Variants in PTPRG observed in about 807,000 individuals in gnomAD.
PTPRG encodes the protein receptor-type tyrosine-protein phosphatase gamma.
A neutral mutation model predicts 165.3 loss-of-function variants in PTPRG; 102 were observed. The observed-to-expected ratio is 0.62, with a 90% CI of 0.53 to 0.73. PTPRG has a LOEUF of 0.73. PTPRG is among the 30% of genes least tolerant of loss of function. PTPRG has a pLI of 0.00. For missense variants in PTPRG, 1,866 were observed against 1,861.4 expected, an observed-to-expected ratio of 1.00 and a Z score of -0.05; for synonymous variants, 675 against 669.5, an observed-to-expected ratio of 1.01 and a Z score of -0.13.
rs764590925 is a variant in PTPRG at position 62,191,625 on chromosome 3, C to T, written c.1190C>T (p.Thr397Met). The change falls in exon 9 of 30, where the codon ACG becomes ATG. Residue 397 changes from threonine (T) to methionine (M), a missense_variant. Around this residue, in one of 3 missense-constraint regions of PTPRG, gnomAD observed 1,452 missense variants for 1,463.0 expected, o/e 0.99. Transcript: ENST00000474889. ...AAGAATGAGGACGAGAAGGAGAAGA[C>T]GTTTACAAAGGACAGCGACAAAGAC... ...WTKNEDEKEK[T>M]FTKDSDKDLK... is the part of the protein sequence containing the mutation. 9 of 1,614,020 alleles carry T rather than the reference C, an allele frequency of 5.6e-6. No homozygotes were observed. Among genetic ancestry groups the T allele is most frequent in the Admixed American group, 5.0e-5 (3 of 60,004 alleles).
intron 2 of PTPRG, among the ~76,000 whole-genome samples, chr3:61,782,659 A>C (rs1159252362): frequency 6.6e-6 from 1 of 152,230 alleles, no homozygotes; most frequent in African/African-American, 2.4e-5. Flanking sequence ...CAAGGGCTGA[A>C]AGAGAAAACT....
At chr3:61,856,206 G>T (rs2037102006) in intron 2 of PTPRG, among the ~76,000 whole-genome samples, 1 of 151,900 alleles carries the variant, frequency 6.6e-6, no homozygotes, top group Non-Finnish European at 1.5e-5. Context: ...GTGGCGCTTA[G>T]TATATTCGCA....
At chr3:62,208,368 A>T (rs1309325364) in intron 12 of PTPRG, among the ~76,000 whole-genome samples, 2 of 152,208 alleles carry the variant, frequency 1.3e-5, no homozygotes, top group African/African-American at 4.8e-5. Context: ...AACATTTCAG[A>T]GTGGGCATCA....
At chr3:61,893,758 G>C (rs1488164040) in intron 2 of PTPRG, among the ~76,000 whole-genome samples, 1 of 152,196 alleles carries the variant, frequency 6.6e-6, no homozygotes, top group African/African-American at 2.4e-5. Context: ...TTTGTTGATT[G>C]GACTTGGATT....
chr3:61,571,058 C>T (rs1700042881), intron 1 of PTPRG, among the ~76,000 whole-genome samples: 1 of 152,086 alleles, frequency 6.6e-6, no homozygotes, highest in Non-Finnish European at 1.5e-5. Flanking sequence ...GGCAAATGGG[C>T]CTCACCCTTT....
intron 1 of PTPRG, among the ~76,000 whole-genome samples, chr3:61,720,065 C>A (rs35130003): frequency 0.12 from 18,444 of 152,038 alleles, 1,405 homozygotes; most frequent in East Asian, 0.2. Context: ...TTATCTTGTT[C>A]ATTATTTATC....
chr3:61,861,709 A>G (rs1396430986), intron 2 of PTPRG, among the ~76,000 whole-genome samples: 1 of 152,160 alleles, frequency 6.6e-6, no homozygotes, highest in East Asian at 1.9e-4. Flanking sequence ...GAAGGAGGAC[A>G]TGTGTTAGCA....
At chr3:61,629,479 G>A (rs1701707835) in intron 1 of PTPRG, among the ~76,000 whole-genome samples, 1 of 152,108 alleles carries the variant, frequency 6.6e-6, no homozygotes, top group Non-Finnish European at 1.5e-5. Flanking sequence ...TACCTCAAAT[G>A]TTTTCTGGGT....
intron 12 of PTPRG, among the ~76,000 whole-genome samples, chr3:62,209,421 T>A (rs1700305918): frequency 2.0e-5 from 3 of 152,018 alleles, no homozygotes; most frequent in Non-Finnish European, 4.4e-5. Flanking sequence ...ACAAATAGAG[T>A]AGTAATTTAA....
At chr3:61,683,171 C>T (rs1703509609) in intron 1 of PTPRG, among the ~76,000 whole-genome samples, 1 of 152,180 alleles carries the variant, frequency 6.6e-6, no homozygotes, top group Non-Finnish European at 1.5e-5. Flanking sequence ...AGTTGAATTG[C>T]TCTTTTCAGT....
At chr3:61,602,421 G>C (rs759393377) in intron 1 of PTPRG, among the ~76,000 whole-genome samples, 19 of 152,200 alleles carry the variant, frequency 1.2e-4, no homozygotes, top group Non-Finnish European at 1.5e-4. Context: ...CAAGTGTCCA[G>C]CTACCTCACA....
chr3:61,944,780 T>TA (rs1446127385), intron 2 of PTPRG, among the ~76,000 whole-genome samples: 1 of 152,230 alleles, frequency 6.6e-6, no homozygotes, highest in East Asian at 1.9e-4. Context: ...TTTAAAGAAA[T>TA]TACTGTTACG....
At chr3:62,110,369 G>C (rs1702625844) in intron 5 of PTPRG, among the ~76,000 whole-genome samples, 1 of 151,952 alleles carries the variant, frequency 6.6e-6, no homozygotes, top group African/African-American at 2.4e-5. Flanking sequence ...ATTTTAGTCT[G>C]ATTACATCGG....
intron 1 of PTPRG, among the ~76,000 whole-genome samples, chr3:61,677,944 A>G (rs28446751): frequency 2.1e-3 from 319 of 152,302 alleles, no homozygotes; most frequent in African/African-American, 7.3e-3. Flanking sequence ...ATGAATTAAA[A>G]TTTATGAAAG....
rs143654083 is a variant in PTPRG at position 62,080,979 on chromosome 3, C to T, written c.615+2721C>T. Among the ~76,000 whole-genome samples, 122 of 152,106 alleles carry T rather than the reference C, an allele frequency of 8.0e-4. 1 individual carries two copies. The highest frequency in any genetic ancestry group is 2.6e-3 in the African/African-American group (109 of 41,484). ...TAAAAAATAGAACATAATTAGAGGC[C>T]GGGCGCGGTGGCTCACACCTGTAAT... On this transcript the variant is annotated intron_variant, in intron 5 of 29. Coordinates refer to ENST00000474889, the MANE Select transcript of PTPRG (RefSeq NM_002841.4).
chr3:61,880,986 C>T (rs1270406360), intron 2 of PTPRG, among the ~76,000 whole-genome samples: 2 of 150,868 alleles, frequency 1.3e-5, no homozygotes, highest in African/African-American at 4.9e-5. Context: ...TGTTATAGCC[C>T]CTATTAATCT....
intron 2 of PTPRG, among the ~76,000 whole-genome samples, chr3:61,906,178 G>A (rs1484985843): frequency 6.6e-6 from 1 of 151,792 alleles, no homozygotes; most frequent in Non-Finnish European, 1.5e-5. Context: ...CTTGGGGCTG[G>A]GCTCGGTGGC....
At chr3:61,896,677 A>G (rs1206217624) in intron 2 of PTPRG, among the ~76,000 whole-genome samples, 1 of 152,204 alleles carries the variant, frequency 6.6e-6, no homozygotes, top group Non-Finnish European at 1.5e-5. Context: ...GTAGCAACAT[A>G]TCTCTGCAGC....
At chr3:61,856,984 A>G (rs1488370800) in intron 2 of PTPRG, among the ~76,000 whole-genome samples, 2 of 151,962 alleles carry the variant, frequency 1.3e-5, no homozygotes, top group Admixed American at 6.6e-5. Flanking sequence ...TTTTCTCTAC[A>G]TGAGGCTCCT....
Sources: gnomAD v4.1 joint callset for allele counts (sites outside exome capture counted in the v4.1 genomes callset) on GRCh38, gnomAD v4.1.1 for gene constraint, gnomAD v4.1.1 regional missense constraint, MANE v1.5 for transcripts, NCBI Gene and HGNC (gene_info 2026-07-23, HGNC 2026-07-21) for gene names.